FRMD6: variants seen among roughly 807,000 people sequenced by gnomAD.
FRMD6 encodes the protein FERM domain-containing protein 6.
A neutral mutation model predicts 73.2 loss-of-function variants in FRMD6; 37 were observed. The observed-to-expected ratio is 0.51, with a 90% confidence interval of 0.39 to 0.66. The LOEUF (loss-of-function observed/expected upper bound fraction) is 0.66, where lower values mean the gene tolerates loss of function less well. FRMD6 is among the 30% of genes least tolerant of loss of function. The pLI, the probability that FRMD6 is intolerant of heterozygous loss-of-function variation, is 0.00. For synonymous variants in FRMD6, 273 were observed against 282.2 expected (o/e 0.97, Z 0.33); for missense variants, 714 against 780.5 (o/e 0.91, Z 1.02).
At chr14:51,591,062 T>C (rs551461921) in intron 2 of FRMD6, among the ~76,000 whole-genome samples, 1 of 152,382 alleles carries the variant, frequency 6.6e-6, no homozygotes, top group Admixed American at 6.5e-5. Context: ...TGTGGGGTTT[T>C]TTTTGGTTCA....
chr14:51,491,122 A>G (rs978264919), intron 1 of FRMD6, among the ~76,000 whole-genome samples: 1 of 152,104 alleles, frequency 6.6e-6, no homozygotes, highest in Admixed American at 6.5e-5. Flanking sequence ...TCTCCAAGGG[A>G]AGCTTCTTTT....
At chr14:51,578,357 T>G (rs1888519294) in intron 2 of FRMD6, among the ~76,000 whole-genome samples, 1 of 152,182 alleles carries the variant, frequency 6.6e-6, no homozygotes, top group East Asian at 1.9e-4. Context: ...GAAATAGAAT[T>G]ACATAAGAAG....
intron 1 of FRMD6, among the ~76,000 whole-genome samples, chr14:51,516,854 T>G (rs967568508): frequency 2.6e-5 from 4 of 152,294 alleles, no homozygotes; most frequent in African/African-American, 7.2e-5. Flanking sequence ...ATAAATGAAT[T>G]TATAATTGTG....
chr14:51,482,315 C>T, the FRMD6 span, among the ~76,000 whole-genome samples: 6 of 152,316 alleles, frequency 3.9e-5, no homozygotes, highest in East Asian at 7.7e-4. Flanking sequence ...AGCCCTCGCA[C>T]GTGGTGTCAT....
chr14:51,514,051 G>A (rs753722179), intron 1 of FRMD6, among the ~76,000 whole-genome samples: 1 of 152,174 alleles, frequency 6.6e-6, no homozygotes, highest in Non-Finnish European at 1.5e-5. Flanking sequence ...CTACACTTGT[G>A]CCTGGCACAT....
chr14:51,519,445 C>T (rs1884824096), intron 1 of FRMD6, among the ~76,000 whole-genome samples: 1 of 152,082 alleles, frequency 6.6e-6, no homozygotes, highest in African/African-American at 2.4e-5. Context: ...CCACTGCACC[C>T]GGCCCACATT....
intron 2 of FRMD6, among the ~76,000 whole-genome samples, chr14:51,571,261 C>T (rs567570248): frequency 6.6e-6 from 1 of 152,246 alleles, no homozygotes; most frequent in African/African-American, 2.4e-5. Flanking sequence ...CACCTGTAGT[C>T]CCAGCTACTT....
At chr14:51,621,604 A>G (rs1225323509) in intron 2 of FRMD6, among the ~76,000 whole-genome samples, 2 of 152,204 alleles carry the variant, frequency 1.3e-5, no homozygotes, top group Non-Finnish European at 1.5e-5. Flanking sequence ...ATTAGATGGT[A>G]TTGCTTACAG....
the FRMD6 span, chr14:51,436,311 G>A: frequency 2.6e-6 from 1 of 380,668 alleles, no homozygotes; most frequent in South Asian, 2.9e-5. Flanking sequence ...CAAAATCCCA[G>A]ATTTTTGGGT....
rs35856363 is a variant in FRMD6, at chr14:51,720,129, C to G, written c.1099C>G (p.Arg367Gly). 21 of 1,613,688 alleles carry G rather than the reference C, an allele frequency of 1.3e-5. No individual in the cohort carries two copies. In the Admixed American group the frequency reaches 3.0e-4, roughly 23 times the overall value. Residue 367 changes from arginine to glycine, a missense_variant, in exon 11 of 14, where the codon CGG becomes GGG. Physicochemically the swap from Arg to Gly is moderately radical, Grantham distance 125 (BLOSUM62 -2). Coordinates refer to ENST00000344768, the MANE Select transcript of FRMD6 (RefSeq NM_001267046.2). ...CATGGACCAGCTGGAAAAACGGTCG[C>G]GGGCCAGCGGGAGCAGTGCGGGCAG... ...LDMDQLEKRSRASGSSAGSMK... is the reference protein window; with the variant it reads ...LDMDQLEKRSGASGSSAGSMK...
intron 1 of FRMD6, among the ~76,000 whole-genome samples, chr14:51,663,122 C>G (rs956289651): frequency 1.3e-5 from 2 of 152,140 alleles, no homozygotes; most frequent in African/African-American, 4.8e-5. Flanking sequence ...ATAACAGATG[C>G]TGGCAAGGTT....
chr14:51,486,159 C>T (rs958796741), upstream of FRMD6, among the ~76,000 whole-genome samples: 3 of 152,056 alleles, frequency 2.0e-5, no homozygotes, highest in Admixed American at 1.3e-4. Flanking sequence ...CTCAGCCTCC[C>T]GAGTAGCTGG....
intron 1 of FRMD6, among the ~76,000 whole-genome samples, chr14:51,490,365 T>C (rs1183998392): frequency 6.6e-6 from 1 of 152,170 alleles, no homozygotes; most frequent in African/African-American, 2.4e-5. Flanking sequence ...GAGTGTGTGC[T>C]TGTGTTTCTG....
chr14:51,542,980 G>A (rs1402770812), intron 1 of FRMD6, among the ~76,000 whole-genome samples: 1 of 151,964 alleles, frequency 6.6e-6, no homozygotes, highest in African/African-American at 2.4e-5. Context: ...ACTTTTTGTT[G>A]TTGGGATATA....
At chr14:51,536,830 A>G (rs1822603829) in intron 1 of FRMD6, among the ~76,000 whole-genome samples, 1 of 152,190 alleles carries the variant, frequency 6.6e-6, no homozygotes, top group African/African-American at 2.4e-5. Flanking sequence ...AGTGATATGG[A>G]TAATGGAGTT....
At chr14:51,724,929 G>A (rs1897863318) in intron 12 of FRMD6, among the ~76,000 whole-genome samples, 1 of 152,062 alleles carries the variant, frequency 6.6e-6, no homozygotes. Flanking sequence ...TGTCAGCCCT[G>A]GATTTCTGCT....
the FRMD6 span, among the ~76,000 whole-genome samples, chr14:51,411,695 G>T: frequency 6.6e-6 from 1 of 152,152 alleles, no homozygotes; most frequent in Admixed American, 6.5e-5. Flanking sequence ...CAATTGTTTT[G>T]ATTTAGAACC....
the FRMD6 span, among the ~76,000 whole-genome samples, chr14:51,453,196 T>G: frequency 6.6e-6 from 1 of 151,268 alleles, no homozygotes. Flanking sequence ...AGAGAGGTGA[T>G]TAATGCATCA....
the FRMD6 span, among the ~76,000 whole-genome samples, chr14:51,470,450 A>G: frequency 6.8e-4 from 104 of 152,238 alleles, 2 homozygotes; most frequent in South Asian, 0.02. Flanking sequence ...CAGTGAGCCG[A>G]GATTGCGCCA....
Sources: allele counts gnomAD v4.1 joint callset (sites outside exome capture counted in the v4.1 genomes callset), GRCh38; gene constraint gnomAD v4.1.1; transcripts MANE v1.5; gene names NCBI Gene and HGNC (gene_info 2026-07-23, HGNC 2026-07-21).